RPTOR: variants seen among roughly 807,000 people sequenced by gnomAD.
The protein encoded by RPTOR is regulatory-associated protein of mTOR.
In RPTOR, 21 loss-of-function variants were observed where a neutral mutation model predicts 169.9. The ratio of observed to expected loss-of-function variants is 0.12; its 90% CI spans 0.09 to 0.18. The LOEUF (loss-of-function observed/expected upper bound fraction) is 0.18, where lower values mean the gene tolerates loss of function less well. Ranked by LOEUF, RPTOR falls within the 10% of genes least tolerant of loss-of-function variation. The probability of loss-of-function intolerance (pLI) is 1.00; values close to 1 mark genes in which losing one functional copy is unlikely to be tolerated. For synonymous variants in RPTOR, 732 were observed against 753.2 expected (o/e 0.97, Z 0.46); for missense variants, 1,133 against 1,855.9 (o/e 0.61, Z 7.16).
At chr17:80,596,382 C>T (rs2143428896) in intron 1 of RPTOR, among the ~76,000 whole-genome samples, 1 of 152,180 alleles carries the variant, frequency 6.6e-6, no homozygotes, top group Admixed American at 6.5e-5. Context: ...GCTCTCTTCC[C>T]CTAATCGTTC....
chr17:80,860,911 G>A lies in RPTOR; in HGVS notation c.1509+3011G>A, dbSNP rs973800185. ...GCTCCTGATTTCCTGAGCTGGATGC[G>A]GGGAGCTGCTGCTCTTCCTCTCAGC... On this transcript the variant is annotated intron_variant, in intron 13 of 33. Transcript: ENST00000306801. This position sits in a 1 kb window ranked among gnomAD's most constrained non-coding sequence, Gnocchi z 5.8. 3.8e-5 allele frequency among the ~76,000 whole-genome samples: 4 copies of A among 105,866 alleles called. No homozygotes were observed. The highest frequency in any genetic ancestry group is 2.5e-4 in the East Asian group (1 of 4,012). 69.5% of individuals were successfully genotyped at this position (105,866 alleles called of 152,430 possible). A position where few individuals can be genotyped will look rare whatever the true frequency, so the allele number is the denominator to read the frequency against.
chr17:80,573,996 A>G (rs1782979941), intron 1 of RPTOR, among the ~76,000 whole-genome samples: 1 of 152,168 alleles, frequency 6.6e-6, no homozygotes, highest in African/African-American at 2.4e-5. Flanking sequence ...CTTCATGTCA[A>G]TTCTTGAGTT....
intron 4 of RPTOR, among the ~76,000 whole-genome samples, chr17:80,717,920 C>G (rs766624689): frequency 2.0e-5 from 3 of 152,176 alleles, no homozygotes; most frequent in Non-Finnish European, 4.4e-5. Context: ...CGTAGCGGAA[C>G]GTTTATCGGG....
At chr17:80,588,550 G>A (rs539041780) in intron 1 of RPTOR, among the ~76,000 whole-genome samples, 8 of 152,302 alleles carry the variant, frequency 5.3e-5, no homozygotes, top group African/African-American at 1.7e-4. Context: ...ATGCAGATGT[G>A]TCTTGAACAT....
At chr17:80,630,855 C>T (rs1370517977) in intron 2 of RPTOR, among the ~76,000 whole-genome samples, 1 of 152,202 alleles carries the variant, frequency 6.6e-6, no homozygotes, top group Admixed American at 6.5e-5. Context: ...CTTTGCCTGT[C>T]TCCTGGCACA....
intron 1 of RPTOR, among the ~76,000 whole-genome samples, chr17:80,601,476 C>T (rs557768055): frequency 4.6e-5 from 7 of 152,228 alleles, no homozygotes; most frequent in South Asian, 4.1e-4. Context: ...AACTTCTCAT[C>T]CCACACATCC....
chr17:80,684,930 G>GT (rs1296984548), intron 3 of RPTOR, among the ~76,000 whole-genome samples: 1 of 152,126 alleles, frequency 6.6e-6, no homozygotes, highest in Middle Eastern at 3.2e-3. Context: ...TCTTAACATT[G>GT]TAACATTTTG....
chr17:80,745,228 G>A (rs1036421752), intron 5 of RPTOR, among the ~76,000 whole-genome samples: 2 of 152,268 alleles, frequency 1.3e-5, no homozygotes, highest in Non-Finnish European at 2.9e-5. Flanking sequence ...TGATCACAGA[G>A]CATTTAGAAG....
chr17:80,937,560 A>G (rs2068969479), intron 24 of RPTOR, among the ~76,000 whole-genome samples: 1 of 152,222 alleles, frequency 6.6e-6, no homozygotes, highest in African/African-American at 2.4e-5. Flanking sequence ...GTGGAAGCCA[A>G]GAGGTACAGG....
chr17:80,935,459 T>TA (rs1170848574), intron 24 of RPTOR, among the ~76,000 whole-genome samples: 3 of 152,088 alleles, frequency 2.0e-5, no homozygotes, highest in Non-Finnish European at 2.9e-5. Context: ...AGACTTGCTA[T>TA]AAAAAAAGTA....
intron 20 of RPTOR, among the ~76,000 whole-genome samples, chr17:80,907,685 CTGAT>C (rs1278442703): frequency 6.6e-6 from 1 of 152,264 alleles, no homozygotes; most frequent in Non-Finnish European, 1.5e-5. Context: ...CCCACAATCT[CTGAT>C]TGGCTCCTGC....
intron 5 of RPTOR, chr17:80,743,499 G>A (rs1315592258): frequency 2.5e-5 from 24 of 972,384 alleles, no homozygotes; most frequent in African/African-American, 7.0e-5. Flanking sequence ...CCAGCAGCGC[G>A]TTCGGAGTGC....
At chr17:80,862,239 G>A (rs573446311) in intron 13 of RPTOR, among the ~76,000 whole-genome samples, 1 of 152,124 alleles carries the variant, frequency 6.6e-6, no homozygotes, top group Non-Finnish European at 1.5e-5. Context: ...TAACCAGCTT[G>A]TTGCACCTGC....
rs553643756 is a variant in RPTOR, at chr17:80,793,918, G to C, written c.890+2409G>C. ...CTGGTTCGGGCAGGGCTGGCCTAGA[G>C]CTCAGGTCTCAGGACAGCCCCACTG... On this transcript the variant is annotated intron_variant, in intron 7 of 33. Coordinates refer to ENST00000306801, the MANE Select transcript of RPTOR (RefSeq NM_020761.3). Among the ~76,000 whole-genome samples, 9 of 152,226 alleles carry C rather than the reference G, an allele frequency of 5.9e-5. No homozygotes were observed. The South Asian group carries it at 1.4e-3, about 24-fold the overall frequency.
intron 31 of RPTOR, 37 bp from the exon 32 acceptor site, chr17:80,962,424 T>C: frequency 6.3e-7 from 1 of 1,577,484 alleles, no homozygotes; most frequent in Non-Finnish European, 8.7e-7. Context: ...TCATGGGGCC[T>C]CCGGGAGGAG....
chr17:80,692,038 G>A (rs534585051), intron 3 of RPTOR, among the ~76,000 whole-genome samples: 5 of 152,320 alleles, frequency 3.3e-5, no homozygotes, highest in East Asian at 1.9e-4. Flanking sequence ...AGCCGCTGCC[G>A]AGGCATAGCC....
At chr17:80,684,630 A>G (rs984714287) in intron 3 of RPTOR, among the ~76,000 whole-genome samples, 1 of 151,930 alleles carries the variant, frequency 6.6e-6, no homozygotes, top group Non-Finnish European at 1.5e-5. Flanking sequence ...ATTTTTTAGT[A>G]GAGATGGGGT....
At chr17:80,822,160 G>T in intron 7 of RPTOR, 41 bp from the exon 8 acceptor site, 1 of 1,577,192 alleles carries the variant, frequency 6.3e-7, no homozygotes, top group South Asian at 1.1e-5. Flanking sequence ...CCTGCTCTCA[G>T]AGCTGTGGCA....
intron 7 of RPTOR, among the ~76,000 whole-genome samples, chr17:80,796,672 C>G (rs1040787107): frequency 2.0e-5 from 3 of 152,184 alleles, no homozygotes; most frequent in African/African-American, 7.2e-5. Flanking sequence ...GCTGTAGCCA[C>G]CTCAGTCTTT....
Sources: gnomAD v4.1 joint callset for allele counts (sites outside exome capture counted in the v4.1 genomes callset) on GRCh38, gnomAD v4.1.1 for gene constraint, Gnocchi (gnomAD v3.1) non-coding constraint, MANE v1.5 for transcripts, NCBI Gene and HGNC (gene_info 2026-07-23, HGNC 2026-07-21) for gene names.